REL: variants seen among roughly 807,000 people sequenced by gnomAD.
The protein encoded by REL is proto-oncogene c-Rel.
In REL, 15 loss-of-function variants were observed where a neutral mutation model predicts 45.9. That is an observed-to-expected ratio of 0.33 (90% CI 0.22 to 0.50). The LOEUF is 0.50. Among genes scored for constraint, REL ranks in the 20% least tolerant of loss-of-function variants. The probability of loss-of-function intolerance (pLI) is 0.98; values close to 1 mark genes in which losing one functional copy is unlikely to be tolerated. For missense variants in REL, 601 were observed against 715.2 expected (o/e 0.84, Z 1.82); for synonymous variants, 239 against 242.1 (o/e 0.99, Z 0.12).
At chr2:60,909,518 C>G (rs1468166382) in intron 4 of REL, among the ~76,000 whole-genome samples, 1 of 151,830 alleles carries the variant, frequency 6.6e-6, no homozygotes, top group Non-Finnish European at 1.5e-5. Flanking sequence ...TCTTGAACTC[C>G]TGGGCTTAAG....
chr2:60,921,650 T>C lies in REL; in HGVS notation c.992-113T>C, dbSNP rs3771269. The C allele has an allele frequency of 1.2e-3, 1,125 of 903,176 alleles. 26 individuals are homozygous for C. The East Asian group carries it at 0.029, about 23-fold the overall frequency. 55.9% of individuals were successfully genotyped at this position (903,176 alleles called of 1,614,324 possible). A position where few individuals can be genotyped will look rare whatever the true frequency, so the allele number is the denominator to read the frequency against. On this transcript the variant is annotated intron_variant, in intron 9 of 9. Coordinates refer to ENST00000394479, the MANE Select transcript of REL (RefSeq NM_001291746.2). ...TTTTTATTTGAAATGTTACATTGGT[T>C]TCCTTGACATTTTTCTTTATATATA...
At chr2:60,915,692 A>C (rs1673944573) in intron 4 of REL, among the ~76,000 whole-genome samples, 1 of 152,214 alleles carries the variant, frequency 6.6e-6, no homozygotes. Flanking sequence ...AATAATGTGC[A>C]TGTCTTGCTT....
intron 3 of REL, chr2:60,900,661 T>G (rs1673468218): frequency 4.8e-6 from 1 of 210,150 alleles, no homozygotes. Flanking sequence ...GTAGCTGAGA[T>G]TACAAGCATG....
chr2:60,892,947 G>A (rs1388451690), intron 2 of REL, among the ~76,000 whole-genome samples: 1 of 151,980 alleles, frequency 6.6e-6, no homozygotes, highest in African/African-American at 2.4e-5. Flanking sequence ...TAGAGACAGG[G>A]TTTCACCATG....
At chr2:60,904,093 ACT>A (rs1326155856) in intron 4 of REL, among the ~76,000 whole-genome samples, 2 of 152,142 alleles carry the variant, frequency 1.3e-5, no homozygotes, top group Non-Finnish European at 2.9e-5. Context: ...ACTATTAATA[ACT>A]CAATTTTAAA....
chr2:60,908,711 TATTAA>T (rs1169749398), intron 4 of REL, among the ~76,000 whole-genome samples: 2 of 152,226 alleles, frequency 1.3e-5, no homozygotes, highest in East Asian at 3.8e-4. Flanking sequence ...CTAAACTGTA[TATTAA>T]ATTTTGTGCA....
At chr2:60,920,753 C>A in intron 9 of REL, 111 bp downstream of exon 9, 1 of 667,394 alleles carries the variant, frequency 1.5e-6, no homozygotes. Flanking sequence ...AAAATTTTCT[C>A]TCCAGATTTT....
At chr2:60,904,019 G>A (rs557390287) in intron 4 of REL, among the ~76,000 whole-genome samples, 2 of 152,270 alleles carry the variant, frequency 1.3e-5, no homozygotes. Flanking sequence ...ATAGTTGTTG[G>A]TAGATAGTAA....
At chr2:60,917,680 C>CTGTG (rs34038794) in intron 5 of REL, among the ~76,000 whole-genome samples, 11,090 of 142,192 alleles carry the variant, frequency 0.078, 473 homozygotes, top group South Asian at 0.12. Context: ...CCCCAAAATA[C>CTGTG]TGTGTGTGTG....
chr2:60,894,920 A>T (rs1291095560), intron 3 of REL, among the ~76,000 whole-genome samples: 1 of 144,062 alleles, frequency 6.9e-6, no homozygotes, highest in Non-Finnish European at 1.5e-5. Context: ...GCAATGGCGC[A>T]ATCTCGGCTC....
chr2:60,909,839 G>A (rs1183478269), intron 4 of REL, among the ~76,000 whole-genome samples: 1 of 152,004 alleles, frequency 6.6e-6, no homozygotes, highest in East Asian at 1.9e-4. Flanking sequence ...GGAGGCGGGG[G>A]TTGCAGTCAG....
rs1318742066 is a variant in REL, at chr2:60,894,452, A to G, written c.209A>G (p.Asp70Gly). The change falls in exon 3 of 10, where the codon GAC (aspartate) becomes GGC (glycine). Residue 70 changes from aspartate (D) to glycine (G), a missense_variant. By Grantham distance (94) the Asp-to-Gly change is moderately conservative (BLOSUM62 -1). Around this residue, in one of 4 missense-constraint regions of REL, gnomAD observed 241 missense variants for 347.0 expected, o/e 0.69. Coordinates refer to ENST00000394479, the MANE Select transcript of REL (RefSeq NM_001291746.2). ...KVRITLVTKN[D>G]PYKPHPHDLV... ...AGAATTACATTAGTAACAAAGAATG[A>G]CCCATATAAACCTCATCCTCATGAT... The G allele has an allele frequency of 6.3e-7, 1 of 1,597,138 alleles. No homozygotes were observed. The highest frequency in any genetic ancestry group is 8.6e-7 in the Non-Finnish European group (1 of 1,168,980).
intron 4 of REL, among the ~76,000 whole-genome samples, chr2:60,904,343 A>G (rs910835351): frequency 6.6e-6 from 1 of 150,690 alleles, no homozygotes; most frequent in Admixed American, 6.6e-5. Context: ...TGGAGGTTGC[A>G]GTAAGCCAAG....
chr2:60,929,794 A>T lies in REL; in HGVS notation c.*7259A>T, dbSNP rs1444158674. 2 of 152,052 alleles carry T rather than the reference A, an allele frequency of 1.3e-5. No homozygotes were observed. The highest frequency in any genetic ancestry group is 4.8e-5 in the African/African-American group (2 of 41,404). The allele number at this position is 152,052 out of a possible 1,614,324, so 9.4% of individuals were successfully genotyped here. A position where few individuals can be genotyped will look rare whatever the true frequency, so the allele number is the denominator to read the frequency against. On this transcript the variant is annotated 3_prime_UTR_variant, in exon 10 of 10. Coordinates refer to ENST00000394479, the MANE Select transcript of REL (RefSeq NM_001291746.2). ...TGTAAGTAACCTGCACAATGTGCAC[A>T]TGTACCCTAAAGCTTAAAGTATAAT...
At chr2:60,917,237 T>C (rs1161082790) in intron 5 of REL, among the ~76,000 whole-genome samples, 2 of 152,220 alleles carry the variant, frequency 1.3e-5, no homozygotes, top group Non-Finnish European at 2.9e-5. Context: ...TCTTCCTGTA[T>C]ATACACAGAT....
Position 60,922,143 on chromosome 2 carries a change from A to T in REL, c.1372A>T (p.Met458Leu). 1 of 1,614,214 alleles carries T rather than the reference A, an allele frequency of 6.2e-7. No homozygotes were observed. The highest frequency in any genetic ancestry group is 1.3e-5 in the African/African-American group (1 of 75,070). Reference sequence around the variant, plus strand: ...TTTATATGGTATTTCTGATCCCAACATGCTGTCTAATTGTTCTGTGAATAT... The same window carrying T: ...TTTATATGGTATTTCTGATCCCAACTTGCTGTCTAATTGTTCTGTGAATAT... Reference protein sequence around the residue: ...ADLYGISDPNMLSNCSVNMMT... With the variant: ...ADLYGISDPNLLSNCSVNMMT... The change falls in exon 10 of 10, where the codon ATG (methionine) becomes TTG (leucine). Residue 458 changes from methionine (M) to leucine (L), a missense_variant. By Grantham distance (15) the Met-to-Leu change is conservative (BLOSUM62 2). Around this residue, in one of 4 missense-constraint regions of REL, gnomAD observed 334 missense variants for 333.1 expected, o/e 1.00. Coordinates refer to ENST00000394479, the MANE Select transcript of REL (RefSeq NM_001291746.2).
chr2:60,915,517 G>A (rs141000699), intron 4 of REL, among the ~76,000 whole-genome samples: 130 of 152,304 alleles, frequency 8.5e-4, no homozygotes, highest in African/African-American at 2.3e-3. Flanking sequence ...ACTTATAAAT[G>A]TTGTGATAGC....
chr2:60,914,838 T>TG (rs1553395426), intron 4 of REL, among the ~76,000 whole-genome samples: 8 of 149,588 alleles, frequency 5.3e-5, no homozygotes, highest in Admixed American at 2.0e-4. Flanking sequence ...TTTTTTTGTT[T>TG]TTTTTTTTTT....
At position 60,924,266 on chromosome 2, in the gene REL, T is replaced by C; in HGVS notation, c.*1731T>C. The C allele has an allele frequency of 4.4e-6, 1 of 225,350 alleles. No homozygotes were observed. 14.0% of individuals were successfully genotyped at this position (225,350 alleles called of 1,614,324 possible). ...TTACTAAGTATTTATTCATTTACTG[T>C]TTGTTTTCCCATACCGAAATATAAA... On this transcript the variant is annotated 3_prime_UTR_variant, in exon 10 of 10. Coordinates refer to ENST00000394479, the MANE Select transcript of REL (RefSeq NM_001291746.2).
Sources: gnomAD v4.1 joint callset for allele counts (sites outside exome capture counted in the v4.1 genomes callset) on GRCh38, gnomAD v4.1.1 for gene constraint, gnomAD v4.1.1 regional missense constraint, MANE v1.5 for transcripts, NCBI Gene and HGNC (gene_info 2026-07-23, HGNC 2026-07-21) for gene names.